ABCD3: variants seen among roughly 807,000 people sequenced by gnomAD.
The protein encoded by ABCD3 is ATP binding cassette subfamily D member 3.
Under a neutral mutation model 105.5 loss-of-function variants are expected in ABCD3, and 41 were observed. That is an observed-to-expected ratio of 0.39 (90% confidence interval 0.30 to 0.50). The LOEUF (loss-of-function observed/expected upper bound fraction) is 0.50. ABCD3 is among the 20% of genes least tolerant of loss of function. ABCD3 has a pLI of 0.84. For synonymous variants in ABCD3, 258 were observed against 269.0 expected (o/e 0.96, Z 0.40); for missense variants, 622 against 806.3 (o/e 0.77, Z 2.77).
chr1:94,434,435 A>G (rs1213861440), intron 1 of ABCD3, among the ~76,000 whole-genome samples: 2 of 152,182 alleles, frequency 1.3e-5, no homozygotes, highest in East Asian at 3.9e-4. Flanking sequence ...ATTTATTATT[A>G]TTATCAAGCA....
chr1:94,476,606 A>G (rs952668755), intron 7 of ABCD3, among the ~76,000 whole-genome samples: 3 of 152,200 alleles, frequency 2.0e-5, no homozygotes, highest in Admixed American at 6.5e-5. Flanking sequence ...AACCAAAACT[A>G]TAAAAAGGAC....
intron 1 of ABCD3, among the ~76,000 whole-genome samples, chr1:94,435,827 A>G (rs1659882211): frequency 6.6e-6 from 1 of 152,204 alleles, no homozygotes; most frequent in Admixed American, 6.5e-5. Flanking sequence ...CCTAAAAGTG[A>G]CCAGTGAGTT....
At chr1:94,482,885 T>G (rs1649094315) in intron 9 of ABCD3, 1 of 385,712 alleles carries the variant, frequency 2.6e-6, no homozygotes, top group South Asian at 3.1e-5. Flanking sequence ...TTCTCTAATT[T>G]CGAATTTCTG....
rs189001573 is a variant in ABCD3 at position 94,449,515 on chromosome 1, A to G, written c.111-9092A>G. Among the ~76,000 whole-genome samples, 11 of 152,350 alleles carry G rather than the reference A, an allele frequency of 7.2e-5. No individual in the cohort carries two copies. The East Asian group carries it at 1.7e-3, about 24-fold the overall frequency. ...AGTAATGCCTGGATGTAATCACTCTATGACACAGTTACACATGCTTTCTGA... is the reference window on the plus strand; with the variant it reads ...AGTAATGCCTGGATGTAATCACTCTGTGACACAGTTACACATGCTTTCTGA... On this transcript the variant is annotated intron_variant, in intron 1 of 22. Coordinates refer to ENST00000370214, the MANE Select transcript of ABCD3 (RefSeq NM_002858.4).
At chr1:94,450,115 G>A (rs1203806762) in intron 1 of ABCD3, among the ~76,000 whole-genome samples, 1 of 152,192 alleles carries the variant, frequency 6.6e-6, no homozygotes, top group African/African-American at 2.4e-5. Context: ...CAGATTAGCA[G>A]CTAGTAACCC....
chr1:94,511,377 G>A (rs1224973085), intron 21 of ABCD3, among the ~76,000 whole-genome samples: 1 of 152,094 alleles, frequency 6.6e-6, no homozygotes, highest in African/African-American at 2.4e-5. Context: ...AGTCTAATCG[G>A]CTTCCCTTTG....
chr1:94,454,457 C>G (rs1225965016), intron 1 of ABCD3, among the ~76,000 whole-genome samples: 1 of 151,844 alleles, frequency 6.6e-6, no homozygotes, highest in Non-Finnish European at 1.5e-5. Flanking sequence ...GGTACAGATA[C>G]CTTATTAAAA....
At chr1:94,506,722 G>T in intron 21 of ABCD3, 80 bp downstream of exon 21, 1 of 1,050,750 alleles carries the variant, frequency 9.5e-7, no homozygotes. Flanking sequence ...CCAAAGAGAA[G>T]ATTCCAGGTC....
chr1:94,439,948 AGCCTTGAACTCCTG>A (rs946350842), intron 1 of ABCD3, among the ~76,000 whole-genome samples: 12 of 152,198 alleles, frequency 7.9e-5, no homozygotes, highest in Admixed American at 7.9e-4. Flanking sequence ...AGCTTCCTGC[AGCCTTGAACTCCTG>A]GCCTCAAGTG....
chr1:94,404,275 CTAG>C, the ABCD3 span, among the ~76,000 whole-genome samples: 1 of 152,142 alleles, frequency 6.6e-6, no homozygotes, highest in Non-Finnish European at 1.5e-5. Context: ...GCCCATAATA[CTAG>C]AATAAACAAG....
At chr1:94,444,352 A>T (rs1660258478) in intron 1 of ABCD3, among the ~76,000 whole-genome samples, 3 of 150,590 alleles carry the variant, frequency 2.0e-5, no homozygotes, top group South Asian at 4.2e-4. Flanking sequence ...AAAAAAAAAA[A>T]TGGAGTCCCA....
chr1:94,451,079 G>C (rs952506473), intron 1 of ABCD3, among the ~76,000 whole-genome samples: 3 of 151,968 alleles, frequency 2.0e-5, no homozygotes, highest in African/African-American at 7.3e-5. Flanking sequence ...ATTTCATTTG[G>C]TTTTCTCAGA....
intron 20 of ABCD3, among the ~76,000 whole-genome samples, chr1:94,504,168 C>T (rs1650240779): frequency 6.6e-6 from 1 of 152,010 alleles, no homozygotes; most frequent in East Asian, 1.9e-4. Flanking sequence ...GCCTCAGCCT[C>T]CCAAAGTGCT....
intron 21 of ABCD3, chr1:94,514,011 G>A (rs979393037): frequency 1.3e-5 from 2 of 151,870 alleles, no homozygotes; most frequent in Non-Finnish European, 2.9e-5. Context: ...ACAAACCGAG[G>A]AACTTGAATC....
At chr1:94,442,471 T>TA (rs1307412489) in intron 1 of ABCD3, among the ~76,000 whole-genome samples, 1 of 152,134 alleles carries the variant, frequency 6.6e-6, no homozygotes, top group South Asian at 2.1e-4. Context: ...GTCTTTACAT[T>TA]AAAAAAATGG....
At chr1:94,484,591 A>G (rs1557682149) in intron 10 of ABCD3, among the ~76,000 whole-genome samples, 2 of 152,078 alleles carry the variant, frequency 1.3e-5, no homozygotes, top group African/African-American at 2.4e-5. Flanking sequence ...AACAATGAGA[A>G]CACCTGGACC....
At position 94,473,643 on chromosome 1, in the gene ABCD3, T is replaced by C. The variant is rs533694871; in HGVS notation, c.336-123T>C. On this transcript the variant is annotated intron_variant, in intron 4 of 22. Coordinates refer to ENST00000370214, the MANE Select transcript of ABCD3 (RefSeq NM_002858.4). ...TGCAAAAAAGTGGTTTTTAGCATCT[T>C]TTTTATTGATTGTTTTGATTTAATA... The C allele has an allele frequency of 1.2e-5, 10 of 822,800 alleles. No individual in the cohort carries two copies. In the South Asian group the frequency reaches 1.4e-4, roughly 12 times the overall value. The allele number at this position is 822,800 out of a possible 1,614,324, so 51.0% of individuals were successfully genotyped here. A position where few individuals can be genotyped will look rare whatever the true frequency, so the allele number is the denominator to read the frequency against.
the ABCD3 span, among the ~76,000 whole-genome samples, chr1:94,399,205 A>G: frequency 6.6e-6 from 1 of 152,204 alleles, no homozygotes; most frequent in East Asian, 1.9e-4. Context: ...ACACCTTACA[A>G]TAACATTTTC....
chr1:94,487,856 A>G (rs746804257), intron 12 of ABCD3, 36 bp from the exon 13 acceptor site: 2 of 1,606,954 alleles, frequency 1.2e-6, no homozygotes, highest in South Asian at 2.2e-5. Flanking sequence ...TAGTCATAGA[A>G]CTATAAGTAA....
Sources: gnomAD v4.1 joint callset for allele counts (sites outside exome capture counted in the v4.1 genomes callset) on GRCh38, gnomAD v4.1.1 for gene constraint, MANE v1.5 for transcripts, NCBI Gene and HGNC (gene_info 2026-07-23, HGNC 2026-07-21) for gene names.